The following WDR27 variants were observed in gnomAD, a reference collection of about 807,000 sequenced individuals.
WDR27 encodes the protein WD repeat domain 27.
A neutral mutation model predicts 114.4 loss-of-function variants in WDR27; 100 were observed. That is an observed-to-expected ratio of 0.87 (90% CI 0.74 to 1.03). The LOEUF (loss-of-function observed/expected upper bound fraction) is 1.03, where lower values mean the gene tolerates loss of function less well. WDR27 is among the 50% of genes least tolerant of loss of function. The pLI is 0.00. For missense variants in WDR27, 1,129 were observed against 1,092.9 expected (o/e 1.03, Z -0.47); for synonymous variants, 449 against 423.1 (o/e 1.06, Z -0.75).
At chr6:169,520,060 T>C (rs1488524527) in intron 25 of WDR27, among the ~76,000 whole-genome samples, 1 of 152,100 alleles carries the variant, frequency 6.6e-6, no homozygotes, top group East Asian at 1.9e-4. Context: ...AATATCCCTA[T>C]GAAGAGCCAG....
chr6:169,688,868 A>T lies in WDR27; in HGVS notation c.138T>A (p.Pro46=). The change falls in exon 2 of 26, where the codon CCT becomes CCA. Residue 46 remains proline (P), a synonymous_variant. Transcript: ENST00000448612. ...ATATACAAAGTTCAGTTCCATCCAA[A>T]GGGAAAGCACAGTCCTGCATGCTGC... ...LACSMQDCAF[P]LDGTELCIWN... 2 of 1,613,132 alleles carry T rather than the reference A, an allele frequency of 1.2e-6. No individual in the cohort carries two copies. The highest frequency in any genetic ancestry group is 1.7e-6 in the Non-Finnish European group (2 of 1,179,644).
intron 25 of WDR27, among the ~76,000 whole-genome samples, chr6:169,547,342 A>G (rs1347883516): frequency 6.6e-6 from 1 of 152,138 alleles, no homozygotes; most frequent in Non-Finnish European, 1.5e-5. Context: ...TACTCTAACA[A>G]AAAAACCAAG....
At chr6:169,683,805 G>GTTC (rs1197705140) in intron 2 of WDR27, among the ~76,000 whole-genome samples, 1 of 152,188 alleles carries the variant, frequency 6.6e-6, no homozygotes, top group Non-Finnish European at 1.5e-5. Flanking sequence ...CTTTACAACA[G>GTTC]GAGAATCCCA....
intron 14 of WDR27, among the ~76,000 whole-genome samples, chr6:169,649,621 A>G (rs1262101277): frequency 6.6e-6 from 1 of 151,996 alleles, no homozygotes; most frequent in African/African-American, 2.4e-5. Flanking sequence ...TCCCACACAA[A>G]GCCTGACACT....
intron 25 of WDR27, among the ~76,000 whole-genome samples, chr6:169,552,182 C>T (rs62424672): frequency 6.6e-6 from 1 of 152,164 alleles, no homozygotes; most frequent in Non-Finnish European, 1.5e-5. Flanking sequence ...TCCCACCACC[C>T]GGCAGTCATG....
At chr6:169,631,671 G>A (rs942456606) in intron 21 of WDR27, among the ~76,000 whole-genome samples, 2 of 152,114 alleles carry the variant, frequency 1.3e-5, no homozygotes, top group East Asian at 1.9e-4. Context: ...TCCTGGACAC[G>A]GAGCCTCTGA....
chr6:169,495,188 G>A (rs190037976), intron 25 of WDR27, among the ~76,000 whole-genome samples: 1 of 152,232 alleles, frequency 6.6e-6, no homozygotes, highest in Non-Finnish European at 1.5e-5. Flanking sequence ...ATACATGATA[G>A]ATGGATACAT....
chr6:169,608,715 C>T (rs929616185), intron 22 of WDR27, among the ~76,000 whole-genome samples: 10 of 152,128 alleles, frequency 6.6e-5, no homozygotes, highest in African/African-American at 2.2e-4. Flanking sequence ...CATTCCACCC[C>T]GGCCTTCCAA....
chr6:169,685,987 A>G (rs1282662941), intron 2 of WDR27, among the ~76,000 whole-genome samples: 1 of 152,234 alleles, frequency 6.6e-6, no homozygotes, highest in Admixed American at 6.5e-5. Context: ...TCTCTATTTG[A>G]CTAACAGCAT....
At chr6:169,673,597 T>C (rs7753645) in intron 2 of WDR27, among the ~76,000 whole-genome samples, 10,312 of 151,818 alleles carry the variant, frequency 0.068, 713 homozygotes, top group East Asian at 0.19. Flanking sequence ...ACTTGTCCCA[T>C]AAAGATATCT....
chr6:169,649,102 A>T (rs1049542623), intron 15 of WDR27, 96 bp downstream of exon 15: 37 of 993,488 alleles, frequency 3.7e-5, no homozygotes, highest in Middle Eastern at 4.1e-4. Context: ...ATGTACACAT[A>T]TAAGGTTTTA....
the WDR27 span, among the ~76,000 whole-genome samples, chr6:169,427,407 A>T: frequency 6.6e-6 from 1 of 151,386 alleles, no homozygotes; most frequent in Non-Finnish European, 1.5e-5. Context: ...GGGGACATCT[A>T]AAAAGTTTCT....
At position 169,659,551 on chromosome 6, in the gene WDR27, T is replaced by C; in HGVS notation, c.1130-33A>G. The C allele has an allele frequency of 6.3e-7, 1 of 1,589,256 alleles. No homozygotes were observed. Among genetic ancestry groups the C allele is most frequent in the Non-Finnish European group, 8.6e-7 (1 of 1,167,690 alleles). On this transcript the variant is annotated intron_variant, in intron 10 of 25. Coordinates refer to ENST00000448612, the MANE Select transcript of WDR27 (RefSeq NM_182552.5). The surrounding 1 kb of genome is among the most constrained non-coding windows in gnomAD (Gnocchi z 4.3). ...TGAGCGAAGACCAGGAAGAACATGATGGGGAGGGAGGTAGCACATACACAC... is the reference window on the plus strand; with the variant it reads ...TGAGCGAAGACCAGGAAGAACATGACGGGGAGGGAGGTAGCACATACACAC...
Position 169,643,849 on chromosome 6 carries a change from A to G in WDR27, c.1658-63T>C, listed in dbSNP as rs1254426378. 8.3e-6 allele frequency: 11 copies of G among 1,326,244 alleles called. No individual in the cohort carries two copies. The South Asian group carries it at 1.3e-4, about 16-fold the overall frequency. 82.2% of individuals were successfully genotyped at this position (1,326,244 alleles called of 1,614,324 possible). A position where few individuals can be genotyped will look rare whatever the true frequency, so the allele number is the denominator to read the frequency against. On this transcript the variant is annotated intron_variant, in intron 16 of 25. Transcript: ENST00000448612. ...GCCTAATTCATAGGAGTCACACTGT[A>G]GAAAAGCCTAGTTCACAGGAGTCAC...
the WDR27 span, among the ~76,000 whole-genome samples, chr6:169,440,000 A>G: frequency 1.0e-3 from 151 of 150,738 alleles, 1 homozygote; most frequent in Non-Finnish European, 1.8e-4. Flanking sequence ...TTATACTCAT[A>G]CATACTGAAG....
intron 25 of WDR27, among the ~76,000 whole-genome samples, chr6:169,571,897 TC>T (rs1197786624): frequency 6.6e-6 from 1 of 152,088 alleles, no homozygotes; most frequent in Non-Finnish European, 1.5e-5. Context: ...TGGAGGGAGA[TC>T]AACTGTCTCT....
At chr6:169,685,268 G>A (rs76639510) in intron 2 of WDR27, among the ~76,000 whole-genome samples, 2,374 of 141,590 alleles carry the variant, frequency 0.017, 35 homozygotes, top group African/African-American at 0.042. Flanking sequence ...GAAAATCAAA[G>A]AAAAAAAAAA....
rs1158438451 is a variant in WDR27, at chr6:169,668,157, C to T, written c.485G>A (p.Arg162His). ...EQRFSVTYIE[R>H]PDVNNRHKVP... ...TTTGTGGCGGTTATTAACATCAGGA[C>T]GTTCTATGTATGTCACAGAAAATCG... Residue 162 changes from arginine (R) to histidine (H), a missense_variant, in exon 5 of 26, where the codon CGT (arginine) becomes CAT (histidine). Arg to His is a conservative substitution (Grantham distance 29). Coordinates refer to ENST00000448612, the MANE Select transcript of WDR27 (RefSeq NM_182552.5). 11 of 1,613,852 alleles carry T rather than the reference C, an allele frequency of 6.8e-6. No homozygotes were observed. Among genetic ancestry groups the T allele is most frequent in the South Asian group, 3.3e-5 (3 of 91,076 alleles).
chr6:169,584,723 C>T (rs563605631), intron 23 of WDR27, among the ~76,000 whole-genome samples: 3 of 152,244 alleles, frequency 2.0e-5, no homozygotes, highest in Admixed American at 1.3e-4. Flanking sequence ...AATGTCTATC[C>T]AGGTCCTTTA....
Sources: allele counts gnomAD v4.1 joint callset (sites outside exome capture counted in the v4.1 genomes callset), GRCh38; gene constraint gnomAD v4.1.1; non-coding constraint Gnocchi (gnomAD v3.1); transcripts MANE v1.5; gene names NCBI Gene and HGNC (gene_info 2026-07-23, HGNC 2026-07-21).